The following SCAF1 variants were observed in gnomAD, a reference collection of about 807,000 sequenced individuals.
SCAF1 encodes splicing factor, arginine/serine-rich 19.
In SCAF1, 28 loss-of-function variants were observed where a neutral mutation model predicts 91.2. The ratio of observed to expected loss-of-function variants is 0.31; its 90% CI spans 0.23 to 0.42. The LOEUF is 0.42. SCAF1 is among the 10% of genes least tolerant of loss of function. The pLI is 1.00. For synonymous variants in SCAF1, 1,036 were observed against 833.7 expected, an observed-to-expected ratio of 1.24 and a Z score of -4.18; for missense variants, 1,893 against 1,872.1, an observed-to-expected ratio of 1.01 and a Z score of -0.21.
chr19:49,642,446 G>T lies in SCAF1; in HGVS notation c.-7+204G>T, dbSNP rs1284507791. ...TCAGGGCCCCGGGACGCATCCGTGG[G>T]TTCCTGGGGGCGTCTATGGGGCGTC... On this transcript the variant is annotated intron_variant, in intron 1 of 10. Coordinates refer to ENST00000360565, the MANE Select transcript of SCAF1 (RefSeq NM_021228.3). This position sits in a 1 kb window ranked among gnomAD's most constrained non-coding sequence, Gnocchi z 4.0. Among the ~76,000 whole-genome samples the T allele has an allele frequency of 6.6e-6, 1 of 152,200 alleles. No homozygotes were observed. Among genetic ancestry groups the T allele is most frequent in the Non-Finnish European group, 1.5e-5 (1 of 68,034 alleles).
intron 9 of SCAF1, 73 bp from the exon 10 acceptor site, chr19:49,657,688 G>A (rs1181716931): frequency 5.9e-6 from 9 of 1,516,404 alleles, no homozygotes; most frequent in South Asian, 1.2e-5. Flanking sequence ...CAGCAGAGGC[G>A]AGTGGAGGTG....
chr19:49,650,011 G>A, intron 6 of SCAF1, among the ~76,000 whole-genome samples: 1 of 152,154 alleles, frequency 6.6e-6, no homozygotes, highest in East Asian at 1.9e-4. Flanking sequence ...GCCTCTGTCA[G>A]CCATCTCCAT....
Position 49,653,589 on chromosome 19 carries a change from A to T in SCAF1, c.3200A>T (p.Asp1067Val). 1.9e-6 allele frequency: 3 copies of T among 1,582,922 alleles called. No individual in the cohort carries two copies. Among genetic ancestry groups the T allele is most frequent in the Non-Finnish European group, 2.6e-6 (3 of 1,170,054 alleles). The change falls in exon 7 of 11, where the codon GAC becomes GTC. Residue 1067 changes from aspartate to valine, a missense_variant. Physicochemically the swap from Asp to Val is radical, Grantham distance 152 (BLOSUM62 -3). Coordinates refer to ENST00000360565, the MANE Select transcript of SCAF1 (RefSeq NM_021228.3). ...CCCAGCGCGGGGTCCACAGCCGGTG[A>T]CTCGGGGGCGGAGGACGGGCCAGCT... ...TAPSAGSTAG[D>V]SGAEDGPASR...
Position 49,651,924 on chromosome 19 carries a change from G to C in SCAF1, c.1535G>C (p.Gly512Ala). Residue 512 changes from glycine (G) to alanine (A), a missense_variant, in exon 7 of 11, where the codon GGT (glycine) becomes GCT (alanine). Gly to Ala is a moderately conservative substitution (Grantham distance 60). Transcript: ENST00000360565. The stretch of plus-strand genomic sequence containing the variant: ...GCGCCCGCCCCGGCCGCCGCTGCTG[G>C]TCCGCCCACGCGCAAGAAGTCCAGG... Reference protein sequence around the residue: ...APAPAPAAAAGPPTRKKSRRE... With the variant: ...APAPAPAAAAAPPTRKKSRRE... The C allele has an allele frequency of 8.6e-7, 1 of 1,163,136 alleles. No individual in the cohort carries two copies. Among genetic ancestry groups the C allele is most frequent in the Non-Finnish European group, 1.1e-6 (1 of 938,430 alleles). 72.1% of individuals were successfully genotyped at this position (1,163,136 alleles called of 1,614,324 possible). A position where few individuals can be genotyped will look rare whatever the true frequency, so the allele number is the denominator to read the frequency against.
rs1282755761 is a variant in SCAF1 at position 49,651,193 on chromosome 19, G to T, written c.804G>T (p.Glu268Asp). Residue 268 changes from glutamate to aspartate, a missense_variant, in exon 7 of 11, where the codon GAG (glutamate) becomes GAT (aspartate). Transcript: ENST00000360565. ...CATCAGCGGGGACCCCCTCACCTGA[G>T]GAGGAAGAGGAGGAGGAAGAGGAAG... ...PSSSAGTPSP[E>D]EEEEEEEEEE... 6.2e-7 allele frequency: 1 copy of T among 1,612,820 alleles called. No homozygotes were observed. Among genetic ancestry groups the T allele is most frequent in the African/African-American group, 1.3e-5 (1 of 74,666 alleles).
chr19:49,646,823 C>T lies in SCAF1; in HGVS notation c.471C>T (p.Gly157=). Residue 157 remains glycine, a synonymous_variant, in exon 6 of 11, where the codon GGC becomes GGT. Coordinates refer to ENST00000360565, the MANE Select transcript of SCAF1 (RefSeq NM_021228.3). This position sits in a 1 kb window ranked among gnomAD's most constrained non-coding sequence, Gnocchi z 5.6. The part of the protein sequence containing the change: ...LLPRLRAWRT[G]KTVSPQSNSS... ...CCCGTCTCAGGGCCTGGAGGACGGG[C>T]AAAACGGGTATGTGGGGCCAGGGCG... 6.2e-7 allele frequency: 1 copy of T among 1,610,900 alleles called. No homozygotes were observed. Among genetic ancestry groups the T allele is most frequent in the Non-Finnish European group, 8.5e-7 (1 of 1,178,900 alleles).
chr19:49,651,351 G>T lies in SCAF1; in HGVS notation c.962G>T (p.Arg321Leu), dbSNP rs373709530. 6.2e-6 allele frequency: 10 copies of T among 1,608,024 alleles called. No homozygotes were observed. The highest frequency in any genetic ancestry group is 6.8e-6 in the Non-Finnish European group (8 of 1,179,778). Residue 321 changes from arginine to leucine, a missense_variant, in exon 7 of 11, where the codon CGC becomes CTC. Arg to Leu is a moderately radical substitution (Grantham distance 102). Coordinates refer to ENST00000360565, the MANE Select transcript of SCAF1 (RefSeq NM_021228.3). ...SQDFPGDESP[R>L]PDAQPTQPTP... is the part of the protein sequence containing the mutation. ...GACTTCCCAGGTGACGAGAGCCCCC[G>T]CCCGGACGCGCAGCCCACACAGCCG...
intron 9 of SCAF1, among the ~76,000 whole-genome samples, chr19:49,656,260 C>G (rs1401056406): frequency 6.6e-6 from 1 of 152,186 alleles, no homozygotes. Context: ...TGGGGAGCAG[C>G]GTCTCTCTAG....
In SCAF1 at chr19:49,651,082, C is replaced by T. The variant is rs776602448; in HGVS notation, c.693C>T (p.Phe231=). The change falls in exon 7 of 11, where the codon TTC becomes TTT. Residue 231 remains phenylalanine, a synonymous_variant. Transcript: ENST00000360565. ...PAPRFDIYDP[F]HPTDEAYSPP... ...CCCGATTCGATATCTATGACCCCTT[C>T]CACCCCACCGACGAGGCCTACTCTC... The T allele has an allele frequency of 8.8e-6, 14 of 1,583,372 alleles. No individual in the cohort carries two copies. Among genetic ancestry groups the T allele is most frequent in the African/African-American group, 2.8e-5 (2 of 71,722 alleles).
intron 9 of SCAF1, among the ~76,000 whole-genome samples, chr19:49,656,833 C>T (rs986802418): frequency 4.6e-5 from 7 of 152,188 alleles, no homozygotes; most frequent in Non-Finnish European, 8.8e-5. Context: ...TAGTACTGCC[C>T]ATAGGTGCTG....
At position 49,652,873 on chromosome 19, in the gene SCAF1, C is replaced by T. The variant is rs1395307542; in HGVS notation, c.2484C>T (p.Ser828=). 6.8e-6 allele frequency: 11 copies of T among 1,614,036 alleles called. No homozygotes were observed. Among genetic ancestry groups the T allele is most frequent in the Middle Eastern group, 3.3e-4 (2 of 6,062 alleles). The stretch of plus-strand genomic sequence containing the variant: ...CATCCTCGTCGTCCTCCTGTTCTTC[C>T]CGGAAGGTGAAGCTGCAGTCCAAGG... ...GSSSSSSSCS[S]RKVKLQSKVA... The change falls in exon 7 of 11, where the codon TCC becomes TCT. Residue 828 remains serine (S), a synonymous_variant. Coordinates refer to ENST00000360565, the MANE Select transcript of SCAF1 (RefSeq NM_021228.3).
At position 49,654,384 on chromosome 19, in the gene SCAF1, C is replaced by T. The variant is rs369869509; in HGVS notation, c.3352C>T (p.Leu1118=). The change falls in exon 8 of 11, where the codon CTG becomes TTG. Residue 1118 remains leucine (L), a synonymous_variant. Transcript: ENST00000360565. ...TCTCTTCAAGATGGAAGAAGCCAAC[C>T]TGGCGAGCCGAGCGAAGGCCCAGGA... The part of the protein sequence containing the change: ...ALLFKMEEAN[L]ASRAKAQELI... 2.5e-6 allele frequency: 4 copies of T among 1,613,392 alleles called. No individual in the cohort carries two copies. The highest frequency in any genetic ancestry group is 1.1e-5 in the South Asian group (1 of 91,076).
Position 49,651,996 on chromosome 19 carries a change from C to G in SCAF1, c.1607C>G (p.Ser536Trp), listed in dbSNP as rs1260108140. 1 of 1,195,586 alleles carries G rather than the reference C, an allele frequency of 8.4e-7. No homozygotes were observed. Among genetic ancestry groups the G allele is most frequent in the Non-Finnish European group, 1.0e-6 (1 of 955,702 alleles). 74.1% of individuals were successfully genotyped at this position (1,195,586 alleles called of 1,614,324 possible). A position where few individuals can be genotyped will look rare whatever the true frequency, so the allele number is the denominator to read the frequency against. ...GAGGCCAAGGAGGCCGCCTCGTCCT[C>G]GTCGGGCACCCAGCCAGCGCCGCCC... ...SGEAKEAASS[S>W]SGTQPAPPAP... The change falls in exon 7 of 11, where the codon TCG becomes TGG. Residue 536 changes from serine (S) to tryptophan (W), a missense_variant. By Grantham distance (177) the Ser-to-Trp change is radical. Around this residue, in one of 5 missense-constraint regions of SCAF1, gnomAD observed 1,436 missense variants for 1,306.8 expected, o/e 1.10. Transcript: ENST00000360565.
rs545715428 is a variant in SCAF1 at position 49,657,902 on chromosome 19, A to T, written c.3747+13A>T. 1.2e-6 allele frequency: 2 copies of T among 1,609,646 alleles called. No individual in the cohort carries two copies. Among genetic ancestry groups the T allele is most frequent in the East Asian group, 2.2e-5 (1 of 44,732 alleles). ...GGCCGTCCACAAGGTGGGCACCCGG[A>T]GAGAGGGGCAGACACAGGCCGGGGA... On this transcript the variant is annotated intron_variant, in intron 10 of 10. Coordinates refer to ENST00000360565, the MANE Select transcript of SCAF1 (RefSeq NM_021228.3).
chr19:49,656,546 C>G (rs1190359745), intron 9 of SCAF1, among the ~76,000 whole-genome samples: 1 of 152,198 alleles, frequency 6.6e-6, no homozygotes, highest in East Asian at 1.9e-4. Flanking sequence ...CTTCTCTGGT[C>G]CCACGTGGCT....
In SCAF1 at chr19:49,646,349, C is replaced by G. The variant is rs1052918055; in HGVS notation, c.261+147C>G. On this transcript the variant is annotated intron_variant, in intron 4 of 10. Transcript: ENST00000360565. This position sits in a 1 kb window ranked among gnomAD's most constrained non-coding sequence, Gnocchi z 5.6. ...GGGCAATGTTGGAGAGTCTGGGGGC[C>G]TGATCTGTGGGCCTGAGCTTTGAGT... The G allele has an allele frequency of 9.2e-6, 8 of 868,856 alleles. No homozygotes were observed. The highest frequency in any genetic ancestry group is 1.4e-5 in the Non-Finnish European group (8 of 565,448). 53.8% of individuals were successfully genotyped at this position (868,856 alleles called of 1,614,324 possible).
chr19:49,654,039 T>C (rs932019494), intron 7 of SCAF1, among the ~76,000 whole-genome samples: 2 of 152,136 alleles, frequency 1.3e-5, no homozygotes, highest in African/African-American at 4.8e-5. Flanking sequence ...TCTACCAGAC[T>C]GCAGAGGTGG....
Position 49,653,796 on chromosome 19 carries a change from G to T in SCAF1, c.3316+91G>T, listed in dbSNP as rs1050895940. 5 of 1,262,238 alleles carry T rather than the reference G, an allele frequency of 4.0e-6. No homozygotes were observed. The African/African-American group carries it at 6.1e-5, about 15-fold the overall frequency. 78.2% of individuals were successfully genotyped at this position (1,262,238 alleles called of 1,614,324 possible). A position where few individuals can be genotyped will look rare whatever the true frequency, so the allele number is the denominator to read the frequency against. On this transcript the variant is annotated intron_variant, in intron 7 of 10. Transcript: ENST00000360565. Reference sequence around the variant, plus strand: ...GACTTAGAGGCAGTGGGGTGCCCTGGCAGGGAGAGGTTTATAGGGACATAG... The same window carrying T: ...GACTTAGAGGCAGTGGGGTGCCCTGTCAGGGAGAGGTTTATAGGGACATAG...
rs1568445354 is a variant in SCAF1, at chr19:49,653,467, G to A, written c.3078G>A (p.Glu1026=). 7.1e-6 allele frequency: 11 copies of A among 1,546,672 alleles called. No individual in the cohort carries two copies. Among genetic ancestry groups the A allele is most frequent in the East Asian group, 2.3e-5 (1 of 43,138 alleles). Residue 1026 remains glutamate (E), a synonymous_variant, in exon 7 of 11, where the codon GAG becomes GAA. Transcript: ENST00000360565. ...GVRGGAEEEE[E]EEEEEEEEEE... Reference sequence around the variant, plus strand: ...GAGGTGGGGCGGAGGAGGAGGAGGAGGAAGAAGAAGAGGAGGAGGAAGAGG... The same window carrying A: ...GAGGTGGGGCGGAGGAGGAGGAGGAAGAAGAAGAAGAGGAGGAGGAAGAGG...
Sources: gnomAD v4.1 joint callset for allele counts (sites outside exome capture counted in the v4.1 genomes callset) on GRCh38, gnomAD v4.1.1 for gene constraint, gnomAD v4.1.1 regional missense constraint, Gnocchi (gnomAD v3.1) non-coding constraint, MANE v1.5 for transcripts, NCBI Gene and HGNC (gene_info 2026-07-23, HGNC 2026-07-21) for gene names.